The following AGBL1 variants were observed in gnomAD, a reference collection of about 807,000 sequenced individuals.
AGBL1 encodes AGBL carboxypeptidase 1, also known as cytosolic carboxypeptidase 4.
AGBL1 carries 130 observed loss-of-function variants against 118.9 expected under a neutral mutation model. The observed-to-expected ratio is 1.09, with a 90% CI of 0.95 to 1.26. The LOEUF is 1.26. Among genes scored for constraint, AGBL1 ranks in the 50% most tolerant of loss-of-function variants. AGBL1 has a pLI of 0.00. For synonymous variants in AGBL1, 555 were observed against 478.9 expected, an observed-to-expected ratio of 1.16 and a Z score of -2.08; for missense variants, 1,584 against 1,298.1, an observed-to-expected ratio of 1.22 and a Z score of -3.38.
chr15:86,926,976 A>T (rs1005317667), intron 23 of AGBL1, among the ~76,000 whole-genome samples: 2 of 152,016 alleles, frequency 1.3e-5, no homozygotes, highest in Admixed American at 6.6e-5. Flanking sequence ...CGTCTCTACT[A>T]AAAATGCAAA....
In AGBL1 at chr15:86,592,534, G is replaced by A. The variant is rs553537632; in HGVS notation, c.2994+37997G>A. Among the ~76,000 whole-genome samples the A allele has an allele frequency of 7.2e-5, 11 of 152,336 alleles. No individual in the cohort carries two copies. In the East Asian group the frequency reaches 1.2e-3, roughly 16 times the overall value. On this transcript the variant is annotated intron_variant, in intron 21 of 22. Transcript: ENST00000614907. ...ATTTTTCCCTTGGGGTGCACTGTGC[G>A]CATGCACAGTGGCCTGCCAGCACTT...
Position 86,149,498 on chromosome 15 carries a change from C to T in AGBL1, c.263-4932C>T, listed in dbSNP as rs538140039. On this transcript the variant is annotated intron_variant, in intron 3 of 22. Transcript: ENST00000614907. ...CAGTCCTAGTCTCCAATAAAACAGA[C>T]TTTAAACCAACAAAGATGAAAAGAG... is the stretch of plus-strand genomic sequence containing the variant. 5.3e-5 allele frequency among the ~76,000 whole-genome samples: 8 copies of T among 152,282 alleles called. No homozygotes were observed. In the South Asian group the frequency reaches 1.7e-3, roughly 32 times the overall value.
intron 22 of AGBL1, among the ~76,000 whole-genome samples, chr15:86,839,055 G>A (rs560562823): frequency 1.3e-5 from 2 of 150,440 alleles, no homozygotes; most frequent in South Asian, 2.1e-4. Flanking sequence ...ACACATATGA[G>A]AAGCCATATT....
At chr15:86,490,263 T>C (rs2082762776) in intron 18 of AGBL1, among the ~76,000 whole-genome samples, 1 of 152,128 alleles carries the variant, frequency 6.6e-6, no homozygotes, top group African/African-American at 2.4e-5. Context: ...CCCTGCAGTG[T>C]GTGCACGCTG....
chr15:86,479,942 G>T (rs1022027159), intron 18 of AGBL1, among the ~76,000 whole-genome samples: 2 of 152,124 alleles, frequency 1.3e-5, no homozygotes, highest in Non-Finnish European at 2.9e-5. Flanking sequence ...GTAGGGACAT[G>T]GATGAAGCTG....
intron 22 of AGBL1, among the ~76,000 whole-genome samples, chr15:86,737,793 A>G (rs1055647464): frequency 1.7e-4 from 26 of 152,204 alleles, no homozygotes; most frequent in African/African-American, 5.8e-4. Context: ...TAATGAAAAC[A>G]TTTGTCAAAA....
chr15:86,353,772 T>C (rs2080668105), intron 17 of AGBL1, among the ~76,000 whole-genome samples: 1 of 152,072 alleles, frequency 6.6e-6, no homozygotes, highest in South Asian at 2.1e-4. Flanking sequence ...GTCCAGACTT[T>C]TAGGGAAGAA....
rs111760982 is a variant in AGBL1 at position 86,880,617 on chromosome 15, C to T, written c.3159-26470C>T. Among the ~76,000 whole-genome samples, 12 of 152,122 alleles carry T rather than the reference C, an allele frequency of 7.9e-5. 2 individuals carry two copies. The highest frequency in any genetic ancestry group is 2.9e-4 in the African/African-American group (12 of 41,490). ...GACTATGTGTGCATATACATGTGCA[C>T]ATGCAGATGTGAATTGTGTGCATGT... On this transcript the variant is annotated intron_variant, in intron 22 of 22. Coordinates refer to ENST00000614907, the MANE Select transcript of AGBL1 (RefSeq NM_001386094.1).
chr15:86,352,034 C>T (rs546778406), intron 17 of AGBL1, among the ~76,000 whole-genome samples: 25 of 152,228 alleles, frequency 1.6e-4, no homozygotes, highest in Non-Finnish European at 3.1e-4. Context: ...AACAACATTA[C>T]GGACACTGGG....
intron 18 of AGBL1, among the ~76,000 whole-genome samples, chr15:86,522,496 A>G (rs1410397199): frequency 1.3e-5 from 2 of 152,242 alleles, no homozygotes; most frequent in African/African-American, 4.8e-5. Flanking sequence ...GCCTAGAGAA[A>G]TTTATTAAAT....
chr15:86,219,522 A>G (rs1013357654), intron 5 of AGBL1, among the ~76,000 whole-genome samples: 1 of 152,032 alleles, frequency 6.6e-6, no homozygotes, highest in South Asian at 2.1e-4. Flanking sequence ...CCAGAAGCAG[A>G]AAAGTGGCTG....
chr15:86,498,578 C>G (rs563765349), intron 18 of AGBL1, among the ~76,000 whole-genome samples: 6 of 152,002 alleles, frequency 3.9e-5, no homozygotes, highest in African/African-American at 1.4e-4. Context: ...GATGGAAACC[C>G]TGTAATAATG....
At chr15:86,716,784 A>G (rs1230435290) in intron 22 of AGBL1, among the ~76,000 whole-genome samples, 1 of 152,220 alleles carries the variant, frequency 6.6e-6, no homozygotes, top group African/African-American at 2.4e-5. Context: ...ACAAATTGTT[A>G]AATTTTAAAT....
intron 22 of AGBL1, among the ~76,000 whole-genome samples, chr15:86,711,388 T>G (rs1467772863): frequency 2.0e-5 from 3 of 152,228 alleles, no homozygotes; most frequent in African/African-American, 2.4e-5. Context: ...AGAAGCCTCA[T>G]GTATCCACCT....
At chr15:86,630,890 A>G (rs2084952249) in intron 21 of AGBL1, among the ~76,000 whole-genome samples, 1 of 152,260 alleles carries the variant, frequency 6.6e-6, no homozygotes, top group African/African-American at 2.4e-5. Context: ...AGAGCGCACC[A>G]ACAGATAACA....
At chr15:86,670,627 A>T (rs2085727608) in intron 21 of AGBL1, among the ~76,000 whole-genome samples, 1 of 93,418 alleles carries the variant, frequency 1.1e-5, no homozygotes, top group African/African-American at 4.1e-5. Flanking sequence ...ACACACACAC[A>T]AACACGCTGT....
At chr15:86,834,084 A>T (rs969794106) in intron 22 of AGBL1, among the ~76,000 whole-genome samples, 2 of 152,062 alleles carry the variant, frequency 1.3e-5, no homozygotes, top group Admixed American at 6.6e-5. Flanking sequence ...TTTGATCACT[A>T]TGAGGCATTA....
rs922249362 is a variant in AGBL1 at position 87,024,711 on chromosome 15, T to A, written c.3324-4114T>A. Reference sequence around the variant, plus strand: ...GAAAACTACAGACCAATATCCCTGATGAACATAGATGCTAAAATCCTCAAC... The same window carrying A: ...GAAAACTACAGACCAATATCCCTGAAGAACATAGATGCTAAAATCCTCAAC... On this transcript the variant is annotated intron_variant, in intron 24 of 24. Transcript: ENST00000441037. Among the ~76,000 whole-genome samples the A allele has an allele frequency of 3.9e-5, 6 of 152,034 alleles. 1 individual carries two copies. Among genetic ancestry groups the A allele is most frequent in the African/African-American group, 1.4e-4 (6 of 41,416 alleles).
chr15:86,913,801 A>C lies in AGBL1; in HGVS notation c.*6507A>C. On this transcript the variant is annotated 3_prime_UTR_variant, in exon 23 of 23. Transcript: ENST00000614907. ...GAGGATCACCTGAGCCTGGAAGTGG[A>C]AGGTTGAGGCTACGGTGAGTCGTGA... 6.6e-6 allele frequency: 1 copy of C among 152,236 alleles called. No individual in the cohort carries two copies. The allele number at this position is 152,236 out of a possible 1,614,324, so 9.4% of individuals were successfully genotyped here.
Sources: allele counts gnomAD v4.1 joint callset (sites outside exome capture counted in the v4.1 genomes callset), GRCh38; gene constraint gnomAD v4.1.1; transcripts MANE v1.5; gene names NCBI Gene and HGNC (gene_info 2026-07-23, HGNC 2026-07-21).